RNF38: variants seen among roughly 807,000 people sequenced by gnomAD.
The protein encoded by RNF38 is E3 ubiquitin-protein ligase RNF38.
Under a neutral mutation model 67.2 loss-of-function variants are expected in RNF38, and 15 were observed. The ratio of observed to expected loss-of-function variants is 0.22; its 90% CI spans 0.15 to 0.34. The LOEUF is 0.34. RNF38 is among the 10% of genes least tolerant of loss of function. The probability of loss-of-function intolerance (pLI) is 1.00; values close to 1 mark genes in which losing one functional copy is unlikely to be tolerated. For synonymous variants in RNF38, 220 were observed against 218.8 expected (o/e 1.01, Z -0.05); for missense variants, 524 against 639.9 (o/e 0.82, Z 1.95).
chr9:36,404,807 T>C (rs1327731626), upstream of RNF38, among the ~76,000 whole-genome samples: 3 of 152,214 alleles, frequency 2.0e-5, no homozygotes, highest in Non-Finnish European at 4.4e-5. Flanking sequence ...TTTTCTTGTC[T>C]TAGTGCACTG....
intron 1 of RNF38, among the ~76,000 whole-genome samples, chr9:36,455,439 T>A (rs1261832226): frequency 6.6e-6 from 1 of 151,802 alleles, no homozygotes; most frequent in East Asian, 1.9e-4. Flanking sequence ...CTAAAAGGAG[T>A]CAACTCTCAA....
At chr9:36,427,911 T>A (rs1328256198) in intron 1 of RNF38, among the ~76,000 whole-genome samples, 1 of 151,324 alleles carries the variant, frequency 6.6e-6, no homozygotes, top group Non-Finnish European at 1.5e-5. Flanking sequence ...GGTATCTCCA[T>A]GTTGGTCAGG....
At chr9:36,353,424 A>C (rs1017202636) in intron 6 of RNF38, 93 bp from the exon 7 acceptor site, 2 of 907,678 alleles carry the variant, frequency 2.2e-6, no homozygotes, top group South Asian at 5.5e-5. Flanking sequence ...ACAAATTTAA[A>C]ATCCCAAAAT....
chr9:36,409,345 G>GAAAA (rs1189702791), intron 2 of RNF38, among the ~76,000 whole-genome samples: 1 of 151,760 alleles, frequency 6.6e-6, no homozygotes, highest in African/African-American at 2.4e-5. Context: ...AAGAAAGAAA[G>GAAAA]AAAAAAAGAA....
At chr9:36,438,082 C>A (rs1321753323) in intron 1 of RNF38, among the ~76,000 whole-genome samples, 1 of 152,098 alleles carries the variant, frequency 6.6e-6, no homozygotes, top group East Asian at 1.9e-4. Context: ...GCTGGGACTA[C>A]AAGTGTGTGC....
intron 1 of RNF38, among the ~76,000 whole-genome samples, chr9:36,436,675 T>C (rs1202368895): frequency 1.4e-5 from 2 of 140,640 alleles, no homozygotes; most frequent in East Asian, 1.9e-4. Flanking sequence ...TACAAAACAT[T>C]AGCCGGGCGT....
chr9:36,337,655 T>C lies in RNF38; in HGVS notation c.*2097A>G, dbSNP rs1832549085. 1 of 152,590 alleles carries C rather than the reference T, an allele frequency of 6.6e-6. No homozygotes were observed. Among genetic ancestry groups the C allele is most frequent in the Non-Finnish European group, 1.5e-5 (1 of 68,022 alleles). The allele number at this position is 152,590 out of a possible 1,614,324, so 9.5% of individuals were successfully genotyped here. A position where few individuals can be genotyped will look rare whatever the true frequency, so the allele number is the denominator to read the frequency against. ...TTTTGCCATTTTAAACATGATTTTTTTTCATTAAAAAAGATTAAACTATAT... is the reference window on the plus strand; with the variant it reads ...TTTTGCCATTTTAAACATGATTTTTCTTCATTAAAAAAGATTAAACTATAT... On this transcript the variant is annotated 3_prime_UTR_variant, in exon 12 of 12. Transcript: ENST00000259605.
chr9:36,485,479 A>G (rs1022451305), intron 1 of RNF38, among the ~76,000 whole-genome samples: 2 of 152,192 alleles, frequency 1.3e-5, no homozygotes, highest in Non-Finnish European at 2.9e-5. Context: ...TCGGTTTATC[A>G]CAGCACTACA....
At chr9:36,445,280 C>T (rs1040076945) in intron 1 of RNF38, among the ~76,000 whole-genome samples, 3 of 152,124 alleles carry the variant, frequency 2.0e-5, no homozygotes, top group Admixed American at 1.3e-4. Flanking sequence ...AAAATTTGAA[C>T]GTAGCAGAGA....
intron 1 of RNF38, among the ~76,000 whole-genome samples, chr9:36,470,874 A>G (rs920864077): frequency 2.6e-5 from 4 of 151,974 alleles, no homozygotes; most frequent in African/African-American, 9.7e-5. Context: ...AGACTCATAG[A>G]TTTTATTTCA....
At chr9:36,362,584 A>G (rs901008835) in intron 4 of RNF38, among the ~76,000 whole-genome samples, 4 of 152,082 alleles carry the variant, frequency 2.6e-5, no homozygotes, top group Non-Finnish European at 4.4e-5. Flanking sequence ...TTCCTGGTCA[A>G]AATGATCTCA....
chr9:36,463,132 T>C (rs1839774458), intron 1 of RNF38, among the ~76,000 whole-genome samples: 1 of 152,200 alleles, frequency 6.6e-6, no homozygotes, highest in African/African-American at 2.4e-5. Flanking sequence ...GTTTTTCTTC[T>C]TACCACTTAT....
At chr9:36,424,261 T>C in intron 2 of RNF38, among the ~76,000 whole-genome samples, 1 of 152,200 alleles carries the variant, frequency 6.6e-6, no homozygotes, top group Non-Finnish European at 1.5e-5. Flanking sequence ...GTCCAGGATA[T>C]TTCCAACATG....
At chr9:36,342,163 A>G (rs1418131955) in intron 11 of RNF38, among the ~76,000 whole-genome samples, 162 bp downstream of exon 11, 1 of 95,758 alleles carries the variant, frequency 1.0e-5, no homozygotes, top group Non-Finnish European at 2.1e-5. Flanking sequence ...TGTTGACTGC[A>G]GTTAATTTTT....
chr9:36,423,032 A>C (rs140295065), intron 2 of RNF38, among the ~76,000 whole-genome samples: 1 of 152,258 alleles, frequency 6.6e-6, no homozygotes, highest in East Asian at 1.9e-4. Flanking sequence ...ACCCAAAAGC[A>C]CCTTCATAAT....
intron 1 of RNF38, among the ~76,000 whole-genome samples, chr9:36,459,314 T>C (rs571960813): frequency 3.3e-5 from 5 of 152,246 alleles, no homozygotes; most frequent in Non-Finnish European, 7.4e-5. Context: ...AAAGGGCCTT[T>C]CAGCAAAAAC....
intron 2 of RNF38, among the ~76,000 whole-genome samples, chr9:36,408,604 G>T (rs1290348948): frequency 1.3e-5 from 2 of 152,042 alleles, no homozygotes; most frequent in African/African-American, 4.8e-5. Flanking sequence ...TATAATCTAG[G>T]AGCTGGGCCT....
At chr9:36,391,994 T>C (rs904929749) in intron 1 of RNF38, among the ~76,000 whole-genome samples, 1 of 152,194 alleles carries the variant, frequency 6.6e-6, no homozygotes, top group African/African-American at 2.4e-5. Flanking sequence ...ATGGTAACGC[T>C]AGGCACTAGG....
At chr9:36,341,155 A>AT (rs1320177033) in intron 11 of RNF38, among the ~76,000 whole-genome samples, 1 of 152,130 alleles carries the variant, frequency 6.6e-6, no homozygotes, top group African/African-American at 2.4e-5. Flanking sequence ...CCGCTCATTG[A>AT]TTTTATCTCT....
Sources: allele counts gnomAD v4.1 joint callset (sites outside exome capture counted in the v4.1 genomes callset), GRCh38; gene constraint gnomAD v4.1.1; transcripts MANE v1.5; gene names NCBI Gene and HGNC (gene_info 2026-07-23, HGNC 2026-07-21).